The following DNAH14 variants were observed in gnomAD, a reference collection of about 807,000 sequenced individuals.
DNAH14 encodes the protein dynein axonemal heavy chain 14, also known as axonemal beta dynein heavy chain 14.
A neutral mutation model predicts 520.9 loss-of-function variants in DNAH14; 478 were observed. The ratio of observed to expected loss-of-function variants is 0.92; its 90% CI spans 0.85 to 0.99. DNAH14 has a LOEUF of 0.99. Among genes scored for constraint, DNAH14 ranks in the 50% least tolerant of loss-of-function variants. The probability of loss-of-function intolerance (pLI) is 0.00; values close to 1 mark genes in which losing one functional copy is unlikely to be tolerated. For missense variants in DNAH14, 4,831 were observed against 5,234.5 expected, an observed-to-expected ratio of 0.92 and a Z score of 2.38; for synonymous variants, 1,581 against 1,757.2, an observed-to-expected ratio of 0.90 and a Z score of 2.51.
intron 17 of DNAH14, among the ~76,000 whole-genome samples, chr1:225,057,114 A>C (rs2069219820): frequency 6.6e-6 from 1 of 152,216 alleles, no homozygotes. Context: ...TCTATAAATT[A>C]CCTTGGGCAG....
chr1:224,930,018 C>A (rs1246623366), intron 1 of DNAH14, among the ~76,000 whole-genome samples, 183 bp downstream of exon 1: 1 of 152,156 alleles, frequency 6.6e-6, no homozygotes, highest in Non-Finnish European at 1.5e-5. Flanking sequence ...CAGATGCTGG[C>A]GCATCCACCA....
intron 11 of DNAH14, among the ~76,000 whole-genome samples, chr1:225,024,782 C>CGT (rs2148046034): frequency 6.6e-6 from 1 of 151,948 alleles, no homozygotes; most frequent in Admixed American, 6.6e-5. Flanking sequence ...TAAAACATTG[C>CGT]GTGTGTGTGT....
chr1:225,389,110 G>A (rs189762503), intron 82 of DNAH14, among the ~76,000 whole-genome samples: 2 of 152,324 alleles, frequency 1.3e-5, no homozygotes, highest in Non-Finnish European at 2.9e-5. Flanking sequence ...CTGGAGAAGC[G>A]TTAGAGTAGC....
At chr1:225,104,852 A>AT (rs1485829197) in intron 23 of DNAH14, among the ~76,000 whole-genome samples, 3 of 151,968 alleles carry the variant, frequency 2.0e-5, no homozygotes, top group Non-Finnish European at 2.9e-5. Flanking sequence ...AGATTCATTG[A>AT]TTTTTTGAAG....
intron 31 of DNAH14, 133 bp from the exon 32 acceptor site, chr1:225,151,869 ATTG>A (rs1559113670): frequency 1.4e-5 from 11 of 794,704 alleles, no homozygotes; most frequent in Non-Finnish European, 2.4e-5. Flanking sequence ...TTCTCTCACC[ATTG>A]TTTTTTCCAG....
At chr1:225,239,330 G>C (rs570164868) in intron 42 of DNAH14, among the ~76,000 whole-genome samples, 1 of 152,228 alleles carries the variant, frequency 6.6e-6, no homozygotes, top group South Asian at 2.1e-4. Context: ...GCTCACGGGG[G>C]ATCTCCTGAT....
chr1:225,159,350 C>T lies in DNAH14; in HGVS notation c.5310C>T (p.Thr1770=), dbSNP rs1052793074. The T allele has an allele frequency of 6.4e-6, 10 of 1,551,170 alleles. No individual in the cohort carries two copies. The Admixed American group carries it at 7.9e-5, about 12-fold the overall frequency. The change falls in exon 35 of 86, where the codon ACC becomes ACT. Residue 1770 remains threonine (T), a synonymous_variant. Coordinates refer to ENST00000682510, the MANE Select transcript of DNAH14 (RefSeq NM_001367479.1). ...ACAGTCTTTCTGAAGCAGATGAAACCTTGATTGTTATCGAGGCTATAAGAG... is the reference window on the plus strand; with the variant it reads ...ACAGTCTTTCTGAAGCAGATGAAACTTTGATTGTTATCGAGGCTATAAGAG... ...TSDSLSEADE[T]LIVIEAIREA...
chr1:225,107,922 T>C (rs1573152094), intron 23 of DNAH14, among the ~76,000 whole-genome samples: 1 of 152,308 alleles, frequency 6.6e-6, no homozygotes, highest in East Asian at 1.9e-4. Context: ...CATATACCTG[T>C]GTGATGGTTA....
intron 19 of DNAH14, among the ~76,000 whole-genome samples, chr1:225,082,197 T>TGTGTGTGTGTGTGTGC (rs374597749): frequency 6.3e-4 from 95 of 151,692 alleles, no homozygotes; most frequent in Non-Finnish European, 9.6e-4. Flanking sequence ...TGTGTGTGTG[T>TGTGTGTGTGTGTGTGC]GCACATGCGC....
intron 41 of DNAH14, among the ~76,000 whole-genome samples, chr1:225,210,900 C>T (rs779813330): frequency 3.9e-5 from 6 of 152,184 alleles, no homozygotes; most frequent in Admixed American, 1.3e-4. Context: ...AACAGACCTG[C>T]AGCAAAGAGT....
At chr1:225,317,425 GTTT>G (rs2094486846) in intron 60 of DNAH14, among the ~76,000 whole-genome samples, 1 of 151,398 alleles carries the variant, frequency 6.6e-6, no homozygotes, top group Non-Finnish European at 1.5e-5. Context: ...CATATTTCAC[GTTT>G]TTATCTTAAT....
intron 10 of DNAH14, among the ~76,000 whole-genome samples, chr1:225,016,398 A>C (rs140346051): frequency 9.9e-5 from 15 of 152,094 alleles, no homozygotes; most frequent in Non-Finnish European, 1.5e-4. Flanking sequence ...TGGCCTGTAA[A>C]GTTTCTGCTG....
chr1:225,042,242 C>T (rs377367705), intron 12 of DNAH14, among the ~76,000 whole-genome samples: 43 of 152,196 alleles, frequency 2.8e-4, no homozygotes, highest in African/African-American at 5.8e-4. Flanking sequence ...TTAAGCATAA[C>T]GGATTATTTA....
intron 10 of DNAH14, among the ~76,000 whole-genome samples, chr1:225,011,553 T>C (rs2064744663): frequency 6.6e-6 from 1 of 152,172 alleles, no homozygotes; most frequent in African/African-American, 2.4e-5. Flanking sequence ...ACTATTATTG[T>C]GTGTGAGTCT....
intron 71 of DNAH14, among the ~76,000 whole-genome samples, chr1:225,347,882 G>A (rs567170520): frequency 2.2e-4 from 34 of 152,226 alleles, no homozygotes; most frequent in Non-Finnish European, 4.3e-4. Context: ...CAGAAATGCA[G>A]ATCTATGGGC....
rs564083366 is a variant in DNAH14 at position 225,337,752 on chromosome 1, G to A, written c.10311+256G>A. Among the ~76,000 whole-genome samples, 14 of 152,260 alleles carry A rather than the reference G, an allele frequency of 9.2e-5. No homozygotes were observed. In the South Asian group the frequency reaches 2.3e-3, roughly 25 times the overall value. Reference sequence around the variant, plus strand: ...TAATTTTTGTGGGTACATAGTAGGTGTATATAGTTATGGGGTACATAAGAT... The same window carrying A: ...TAATTTTTGTGGGTACATAGTAGGTATATATAGTTATGGGGTACATAAGAT... On this transcript the variant is annotated intron_variant, in intron 67 of 85. Coordinates refer to ENST00000682510, the MANE Select transcript of DNAH14 (RefSeq NM_001367479.1).
chr1:224,970,550 G>A (rs2061445303), intron 7 of DNAH14, among the ~76,000 whole-genome samples: 1 of 152,088 alleles, frequency 6.6e-6, no homozygotes. Context: ...GGGGCATGAT[G>A]GAACCTGCCG....
At chr1:225,071,207 A>T (rs2148491254) in intron 17 of DNAH14, among the ~76,000 whole-genome samples, 1 of 152,218 alleles carries the variant, frequency 6.6e-6, no homozygotes, top group East Asian at 1.9e-4. Flanking sequence ...GTATGTGTGG[A>T]TTTGAACCTA....
chr1:225,170,407 A>G (rs1166352964), intron 36 of DNAH14, among the ~76,000 whole-genome samples: 1 of 152,178 alleles, frequency 6.6e-6, no homozygotes, highest in Non-Finnish European at 1.5e-5. Flanking sequence ...TAGGCTAAAA[A>G]TAAAGGGATG....
Sources: gnomAD v4.1 joint callset for allele counts (sites outside exome capture counted in the v4.1 genomes callset) on GRCh38, gnomAD v4.1.1 for gene constraint, MANE v1.5 for transcripts, NCBI Gene and HGNC (gene_info 2026-07-23, HGNC 2026-07-21) for gene names.